The following CYB5R4 variants were observed in gnomAD, a reference collection of about 807,000 sequenced individuals.
CYB5R4 encodes cytochrome b5 reductase 4, also known as N-terminal cytochrome b5 and cytochrome b5 oxidoreductase domain-containing protein.
CYB5R4 carries 55 observed loss-of-function variants against 70.2 expected under a neutral mutation model. That is an observed-to-expected ratio of 0.78 (90% confidence interval 0.63 to 0.98). The LOEUF (loss-of-function observed/expected upper bound fraction) is 0.98, where lower values mean the gene tolerates loss of function less well. CYB5R4 is among the 50% of genes least tolerant of loss of function. The pLI is 0.00. For synonymous variants in CYB5R4, 197 were observed against 199.5 expected (o/e 0.99, Z 0.11); for missense variants, 562 against 612.6 (o/e 0.92, Z 0.87).
In CYB5R4 at chr6:83,967,352, A is replaced by G. The variant is rs2099474240; in HGVS notation, c.*7474A>G. ...GCTAAACTATTTCAGTAGTTTTGGC[A>G]GTGGTTGTATTAGTATTGTTATTCT... is the stretch of plus-strand genomic sequence containing the variant. On this transcript the variant is annotated 3_prime_UTR_variant, in exon 16 of 16. Coordinates refer to ENST00000369681, the MANE Select transcript of CYB5R4 (RefSeq NM_016230.4). 1 of 152,242 alleles carries G rather than the reference A, an allele frequency of 6.6e-6. No homozygotes were observed. Among genetic ancestry groups the G allele is most frequent in the South Asian group, 2.1e-4 (1 of 4,836 alleles). 9.4% of individuals were successfully genotyped at this position (152,242 alleles called of 1,614,324 possible).
At chr6:83,945,406 G>A (rs927415283) in intron 14 of CYB5R4, among the ~76,000 whole-genome samples, 1 of 152,054 alleles carries the variant, frequency 6.6e-6, no homozygotes, top group Admixed American at 6.6e-5. Context: ...AGAATCTCTG[G>A]GACACAGCTA....
chr6:83,908,972 G>C (rs2099464262), intron 3 of CYB5R4, 37 bp from the exon 4 acceptor site: 3 of 1,553,758 alleles, frequency 1.9e-6, no homozygotes, highest in Non-Finnish European at 2.7e-6. Flanking sequence ...TGTGGAGTTA[G>C]TCATGTTGCT....
intron 12 of CYB5R4, among the ~76,000 whole-genome samples, chr6:83,937,044 G>A (rs2099469021): frequency 1.3e-5 from 2 of 152,212 alleles, no homozygotes; most frequent in African/African-American, 4.8e-5. Flanking sequence ...GGAGGCTGAG[G>A]TGGGCAGATC....
chr6:83,868,251 C>T lies in CYB5R4; in HGVS notation c.229+3923C>T, dbSNP rs545396081. The stretch of plus-strand genomic sequence containing the variant: ...ATTTTTAGATTAGGTCTGAATTCAA[C>T]TGATCACAATGTGGGAGACACAATC... On this transcript the variant is annotated intron_variant, in intron 2 of 15. Coordinates refer to ENST00000369681, the MANE Select transcript of CYB5R4 (RefSeq NM_016230.4). Among the ~76,000 whole-genome samples, 5 of 152,062 alleles carry T rather than the reference C, an allele frequency of 3.3e-5. No individual in the cohort carries two copies. In the South Asian group the frequency reaches 1.0e-3, roughly 32 times the overall value.
In CYB5R4 at chr6:83,909,104, G is replaced by A; in HGVS notation, c.412+14G>A. The A allele has an allele frequency of 6.2e-7, 1 of 1,610,182 alleles. No individual in the cohort carries two copies. Among genetic ancestry groups the A allele is most frequent in the Non-Finnish European group, 8.5e-7 (1 of 1,176,614 alleles). On this transcript the variant is annotated intron_variant, in intron 4 of 15. Coordinates refer to ENST00000369681, the MANE Select transcript of CYB5R4 (RefSeq NM_016230.4). ...CTGTTCTGAAAGGTAAGTGGTGCTG[G>A]TGCTAAACCAGCATGGATGTGTGGT... is the stretch of plus-strand genomic sequence containing the variant.
intron 3 of CYB5R4, among the ~76,000 whole-genome samples, chr6:83,900,999 A>G (rs1055017404): frequency 6.6e-6 from 1 of 152,168 alleles, no homozygotes; most frequent in Non-Finnish European, 1.5e-5. Context: ...TGTGAATTTG[A>G]TCCTGTCAAA....
chr6:83,945,608 C>G (rs2099470456), intron 14 of CYB5R4, among the ~76,000 whole-genome samples: 1 of 151,980 alleles, frequency 6.6e-6, no homozygotes, highest in African/African-American at 2.4e-5. Flanking sequence ...ATGAAAAACC[C>G]TTCAAAAAAT....
chr6:83,920,783 T>A (rs2099466250), intron 7 of CYB5R4, among the ~76,000 whole-genome samples: 1 of 152,060 alleles, frequency 6.6e-6, no homozygotes, highest in Non-Finnish European at 1.5e-5. Flanking sequence ...AAATATTTAT[T>A]GAACACCTAC....
At chr6:83,868,352 T>C (rs374862293) in intron 2 of CYB5R4, among the ~76,000 whole-genome samples, 1 of 152,172 alleles carries the variant, frequency 6.6e-6, no homozygotes, top group Non-Finnish European at 1.5e-5. Flanking sequence ...GACTGTTTTC[T>C]TTTTTTGAAT....
intron 10 of CYB5R4, 102 bp from the exon 11 acceptor site, chr6:83,934,493 G>A: frequency 1.3e-6 from 1 of 758,192 alleles, no homozygotes; most frequent in East Asian, 2.8e-5. Flanking sequence ...TGAAATTGAA[G>A]CTTTCTAGAA....
intron 14 of CYB5R4, among the ~76,000 whole-genome samples, 170 bp downstream of exon 14, chr6:83,940,771 A>G (rs569065410): frequency 6.6e-6 from 1 of 152,258 alleles, no homozygotes; most frequent in African/African-American, 2.4e-5. Flanking sequence ...CTTCCCTCAA[A>G]GAAACACTGT....
At position 83,862,795 on chromosome 6, in the gene CYB5R4, T is replaced by C. The variant is rs1476352110; in HGVS notation, c.76-1380T>C. Among the ~76,000 whole-genome samples, 2 of 152,156 alleles carry C rather than the reference T, an allele frequency of 1.3e-5. 1 individual carries two copies. On this transcript the variant is annotated intron_variant, in intron 1 of 15. Transcript: ENST00000369681. Reference sequence around the variant, plus strand: ...TGGAATGGAGAGAGGTGAGTGATTTTAGTTTGGGATGGGAAAGGTCATTTT... The same window carrying C: ...TGGAATGGAGAGAGGTGAGTGATTTCAGTTTGGGATGGGAAAGGTCATTTT...
chr6:83,938,984 G>A (rs1199154939), intron 12 of CYB5R4, among the ~76,000 whole-genome samples: 1 of 151,932 alleles, frequency 6.6e-6, no homozygotes, highest in East Asian at 1.9e-4. Flanking sequence ...ACAGGCATGT[G>A]CCACCATGCC....
chr6:83,866,926 T>C (rs1236910291), intron 2 of CYB5R4, among the ~76,000 whole-genome samples: 1 of 152,182 alleles, frequency 6.6e-6, no homozygotes, highest in Non-Finnish European at 1.5e-5. Context: ...GCCATGAATT[T>C]TTTAGAGGTT....
chr6:83,934,733 C>T lies in CYB5R4; in HGVS notation c.953C>T (p.Thr318Ile), dbSNP rs763312443. Residue 318 changes from threonine to isoleucine, a missense_variant and splice_region_variant, in exon 11 of 16, where the codon ACA becomes ATA. Coordinates refer to ENST00000369681, the MANE Select transcript of CYB5R4 (RefSeq NM_016230.4). ...CATGTTTACCTCAAGCTACCTATTACAGGTAAGGTGAATAGAGGCTTTGGG... is the reference window on the plus strand; with the variant it reads ...CATGTTTACCTCAAGCTACCTATTATAGGTAAGGTGAATAGAGGCTTTGGG... ...GQHVYLKLPI[T>I]GTEIVKPYTP... is the part of the protein sequence containing the mutation. 3 of 1,611,368 alleles carry T rather than the reference C, an allele frequency of 1.9e-6. No individual in the cohort carries two copies. Among genetic ancestry groups the T allele is most frequent in the Non-Finnish European group, 2.5e-6 (3 of 1,178,934 alleles).
intron 2 of CYB5R4, among the ~76,000 whole-genome samples, chr6:83,877,153 A>C (rs1333149220): frequency 6.6e-6 from 1 of 152,134 alleles, no homozygotes; most frequent in East Asian, 1.9e-4. Flanking sequence ...TTTATAGTGC[A>C]GGTCTGTTGG....
At chr6:83,904,150 G>A (rs973145734) in intron 3 of CYB5R4, among the ~76,000 whole-genome samples, 81 of 151,962 alleles carry the variant, frequency 5.3e-4, no homozygotes, top group Admixed American at 2.2e-3. Flanking sequence ...TTTGAAATCT[G>A]TCAACTTTTT....
chr6:83,863,258 C>A (rs912364284), intron 1 of CYB5R4, among the ~76,000 whole-genome samples: 1 of 152,088 alleles, frequency 6.6e-6, no homozygotes, highest in African/African-American at 2.4e-5. Context: ...GCTTTGAGAG[C>A]CTCATAAGGT....
At chr6:83,893,699 A>C (rs909903556) in intron 3 of CYB5R4, 77 bp downstream of exon 3, 29 of 850,660 alleles carry the variant, frequency 3.4e-5, no homozygotes, top group East Asian at 2.5e-4. Context: ...TTGTAGAAAG[A>C]AAGGAAATAG....
Sources: gnomAD v4.1 joint callset for allele counts (sites outside exome capture counted in the v4.1 genomes callset) on GRCh38, gnomAD v4.1.1 for gene constraint, MANE v1.5 for transcripts, NCBI Gene and HGNC (gene_info 2026-07-23, HGNC 2026-07-21) for gene names.